Variants in EPYC observed in about 807,000 individuals in gnomAD.
EPYC encodes the protein dermatan sulfate proteoglycan 3.
EPYC carries 28 observed loss-of-function variants against 30.1 expected under a neutral mutation model. That is an observed-to-expected ratio of 0.93 (90% CI 0.69 to 1.28). EPYC has a LOEUF of 1.28. Ranked by LOEUF, EPYC falls within the 50% of genes most tolerant of loss-of-function variation. EPYC has a pLI of 0.00. For missense variants in EPYC, 382 were observed against 383.5 expected, an observed-to-expected ratio of 1.00 and a Z score of 0.03; for synonymous variants, 144 against 141.4, an observed-to-expected ratio of 1.02 and a Z score of -0.13.
In EPYC at chr12:91,002,431, G is replaced by A. The variant is rs372120077; in HGVS notation, c.135C>T (p.Asn45=). The change falls in exon 2 of 7, where the codon AAC becomes AAT. Residue 45 remains asparagine, a synonymous_variant. Transcript: ENST00000261172. ...ATLEDLDNLY[N]YENIPVDKVE... is the part of the protein sequence containing the mutation. ...CTTTATCAACAGGTATGTTTTCATA[G>A]TTGTACAAATTATCCAGGTCTTCTA... 6.8e-6 allele frequency: 11 copies of A among 1,612,748 alleles called. No homozygotes were observed. Among genetic ancestry groups the A allele is most frequent in the Non-Finnish European group, 9.3e-6 (11 of 1,179,422 alleles).
chr12:90,972,667 A>G (rs1877080817), intron 4 of EPYC, 155 bp downstream of exon 4: 1 of 644,060 alleles, frequency 1.6e-6, no homozygotes, highest in Non-Finnish European at 2.5e-6. Flanking sequence ...TATAATTGTT[A>G]AAGCAAACTC....
At chr12:90,973,360 A>G (rs1485365727) in intron 3 of EPYC, among the ~76,000 whole-genome samples, 1 of 152,194 alleles carries the variant, frequency 6.6e-6, no homozygotes. Flanking sequence ...AAAATAAAAG[A>G]TAATAATTAT....
At chr12:90,969,232 T>C (rs1195925700) in intron 6 of EPYC, among the ~76,000 whole-genome samples, 3 of 151,972 alleles carry the variant, frequency 2.0e-5, no homozygotes. Context: ...TGTTAAACTA[T>C]AATGTTGTTT....
intron 2 of EPYC, among the ~76,000 whole-genome samples, chr12:90,991,690 T>C (rs1877588501): frequency 6.6e-6 from 1 of 152,042 alleles, no homozygotes; most frequent in African/African-American, 2.4e-5. Flanking sequence ...ACACTGAAAA[T>C]ATAGATGAGG....
chr12:90,964,303 G>T lies in EPYC; in HGVS notation c.822C>A (p.His274Gln). 2.5e-6 allele frequency: 4 copies of T among 1,607,128 alleles called. No homozygotes were observed. Among genetic ancestry groups the T allele is most frequent in the Non-Finnish European group, 3.4e-6 (4 of 1,174,936 alleles). ...HLQNNNILEM[H>Q]EDTFCNVKNL... is the part of the protein sequence containing the mutation. ...TTTTAACATTGCAGAACGTATCTTCGTGCATTTCCAGAATGTTGTTATTCT... is the reference window on the plus strand; with the variant it reads ...TTTTAACATTGCAGAACGTATCTTCTTGCATTTCCAGAATGTTGTTATTCT... Residue 274 changes from histidine to glutamine, a missense_variant, in exon 7 of 7, where the codon CAC (histidine) becomes CAA (glutamine). His to Gln is a conservative substitution (Grantham distance 24). Coordinates refer to ENST00000261172, the MANE Select transcript of EPYC (RefSeq NM_004950.5).
In EPYC at chr12:90,972,014, A is replaced by T; in HGVS notation, c.500-12T>A. 7.1e-7 allele frequency: 1 copy of T among 1,411,394 alleles called. No individual in the cohort carries two copies. Among genetic ancestry groups the T allele is most frequent in the South Asian group, 1.4e-5 (1 of 73,240 alleles). 87.4% of individuals were successfully genotyped at this position (1,411,394 alleles called of 1,614,324 possible). A position where few individuals can be genotyped will look rare whatever the true frequency, so the allele number is the denominator to read the frequency against. ...CCTTTTTAAATCACCTAGCAGAAAAAAATAAAGGAAGTAATTAAATATTCT... is the reference window on the plus strand; with the variant it reads ...CCTTTTTAAATCACCTAGCAGAAAATAATAAAGGAAGTAATTAAATATTCT... On this transcript the variant is annotated splice_polypyrimidine_tract_variant and intron_variant, in intron 4 of 6. Transcript: ENST00000261172.
chr12:91,004,020 A>T (rs1877893042), intron 1 of EPYC, among the ~76,000 whole-genome samples: 3 of 152,238 alleles, frequency 2.0e-5, no homozygotes, highest in Middle Eastern at 3.4e-3. Flanking sequence ...CCTTTGCAGA[A>T]GTCTTTGCAG....
intron 2 of EPYC, among the ~76,000 whole-genome samples, chr12:90,991,161 A>T (rs561021100): frequency 6.6e-6 from 1 of 152,302 alleles, no homozygotes; most frequent in Admixed American, 6.5e-5. Flanking sequence ...ATTTGCATAC[A>T]TGCTATTTAA....
chr12:90,979,105 T>C (rs1448858307), intron 2 of EPYC, among the ~76,000 whole-genome samples: 1 of 152,158 alleles, frequency 6.6e-6, no homozygotes, highest in Admixed American at 6.6e-5. Context: ...GAATACTGTT[T>C]GGATTTAGGA....
intron 2 of EPYC, 50 bp downstream of exon 2, chr12:91,002,351 A>G (rs774512228): frequency 1.5e-5 from 23 of 1,530,456 alleles, no homozygotes; most frequent in Non-Finnish European, 1.9e-5. Context: ...GACCCAAGTC[A>G]TTCCTCATCC....
chr12:90,964,798 T>A (rs76957502), intron 6 of EPYC, among the ~76,000 whole-genome samples: 3,827 of 152,136 alleles, frequency 0.025, 163 homozygotes, highest in African/African-American at 0.087. Context: ...TTCAAGTCAA[T>A]GTGGCTGAAG....
intron 2 of EPYC, among the ~76,000 whole-genome samples, chr12:90,980,329 G>A (rs931164650): frequency 4.6e-5 from 7 of 152,092 alleles, no homozygotes; most frequent in African/African-American, 1.7e-4. Context: ...ACAGCTTTTT[G>A]TGTTTATCAA....
chr12:90,991,797 G>C lies in EPYC; in HGVS notation c.165+10604C>G, dbSNP rs141110671. Among the ~76,000 whole-genome samples, 1,121 of 152,250 alleles carry C rather than the reference G, an allele frequency of 7.4e-3. 11 individuals carry two copies. Among genetic ancestry groups the C allele is most frequent in the Non-Finnish European group, 0.011 (726 of 68,004 alleles). On this transcript the variant is annotated intron_variant, in intron 2 of 6. Transcript: ENST00000261172. ...CACTGGGATTTTAAAAAGCTCTAGA[G>C]CTGATTCAAATATGTGACCAAGGTT...
intron 3 of EPYC, among the ~76,000 whole-genome samples, chr12:90,973,214 C>T (rs1592623717): frequency 6.6e-6 from 1 of 151,764 alleles, no homozygotes; most frequent in South Asian, 2.1e-4. Flanking sequence ...TAGTACTTTT[C>T]TATTAGAAAT....
At chr12:90,980,895 A>G (rs1163723070) in intron 2 of EPYC, among the ~76,000 whole-genome samples, 1 of 152,206 alleles carries the variant, frequency 6.6e-6, no homozygotes, top group Non-Finnish European at 1.5e-5. Flanking sequence ...AAAATATAAT[A>G]CAAATGGTCA....
At chr12:90,969,577 C>G (rs553662971) in intron 6 of EPYC, among the ~76,000 whole-genome samples, 1 of 149,766 alleles carries the variant, frequency 6.7e-6, no homozygotes, top group African/African-American at 2.4e-5. Context: ...CTTGCCATCT[C>G]TCAGCACATA....
chr12:90,989,693 A>C (rs1305925453), intron 2 of EPYC, among the ~76,000 whole-genome samples: 2 of 152,014 alleles, frequency 1.3e-5, no homozygotes, highest in African/African-American at 4.8e-5. Context: ...TGGGGACTTT[A>C]GTATTTTTTC....
chr12:90,999,088 T>A (rs1009697232), intron 2 of EPYC, among the ~76,000 whole-genome samples: 2 of 152,124 alleles, frequency 1.3e-5, no homozygotes, highest in African/African-American at 2.4e-5. Context: ...GATTTAAACA[T>A]CTCATGAGTT....
At chr12:90,977,360 C>T (rs1031510648) in intron 3 of EPYC, among the ~76,000 whole-genome samples, 29 of 152,152 alleles carry the variant, frequency 1.9e-4, no homozygotes, top group African/African-American at 7.0e-4. Context: ...AATTCCTTCT[C>T]ATTAACTAAA....
Sources: gnomAD v4.1 joint callset for allele counts (sites outside exome capture counted in the v4.1 genomes callset) on GRCh38, gnomAD v4.1.1 for gene constraint, MANE v1.5 for transcripts, NCBI Gene and HGNC (gene_info 2026-07-23, HGNC 2026-07-21) for gene names.